OVCH1: variants seen among roughly 807,000 people sequenced by gnomAD.
The protein encoded by OVCH1 is ovochymase-1.
OVCH1 carries 139 observed loss-of-function variants against 138.4 expected under a neutral mutation model. The ratio of observed to expected loss-of-function variants is 1.00; its 90% CI spans 0.87 to 1.16. OVCH1 has a LOEUF of 1.16. Among genes scored for constraint, OVCH1 ranks in the 50% most tolerant of loss-of-function variants. OVCH1 has a pLI of 0.00. For synonymous variants in OVCH1, 453 were observed against 467.8 expected (o/e 0.97, Z 0.41); for missense variants, 1,367 against 1,357.9 (o/e 1.01, Z -0.11).
At chr12:29,490,189 A>G (rs1943236587) in intron 5 of OVCH1, among the ~76,000 whole-genome samples, 1 of 152,092 alleles carries the variant, frequency 6.6e-6, no homozygotes, top group Non-Finnish European at 1.5e-5. Context: ...TCAGTTTCCC[A>G]AGTAGCTGGG....
exon 21 of OVCH1, chr12:29,454,863 T>A: frequency 6.2e-7 from 1 of 1,611,488 alleles, no homozygotes. Context: ...CACTGTCTGG[T>A]GAAGGTGTGG....
chr12:29,402,568 T>C, the OVCH1 span, among the ~76,000 whole-genome samples: 2 of 150,376 alleles, frequency 1.3e-5, no homozygotes, highest in Admixed American at 1.3e-4. Context: ...AAGAGAAAGA[T>C]GGAGGGCATT....
At chr12:29,460,997 C>T (rs376031241) in intron 19 of OVCH1, among the ~76,000 whole-genome samples, 2 of 152,142 alleles carry the variant, frequency 1.3e-5, no homozygotes, top group East Asian at 1.9e-4. Flanking sequence ...CATGGAAGGA[C>T]GTCCACCTAG....
chr12:29,475,366 G>A (rs544137744), intron 13 of OVCH1, among the ~76,000 whole-genome samples, 177 bp from the exon 14 acceptor site: 2 of 152,120 alleles, frequency 1.3e-5, no homozygotes, highest in South Asian at 4.2e-4. Context: ...ACAATGCGCT[G>A]TAATTTTAAT....
intron 3 of OVCH1, among the ~76,000 whole-genome samples, chr12:29,421,943 T>G (rs762955606): frequency 7.9e-5 from 12 of 152,154 alleles, no homozygotes; most frequent in Non-Finnish European, 1.5e-4. Flanking sequence ...TAAAACTCAT[T>G]TCTACTTCCT....
intron 21 of OVCH1, 52 bp downstream of exon 21, chr12:29,454,789 C>T (rs981601761): frequency 6.7e-7 from 1 of 1,486,976 alleles, no homozygotes; most frequent in Non-Finnish European, 9.3e-7. Flanking sequence ...GACAATGCTT[C>T]TTGCCAAATT....
chr12:29,486,887 T>A lies in OVCH1; in HGVS notation c.893-539A>T. 2 of 455,702 alleles carry A rather than the reference T, an allele frequency of 4.4e-6. 1 individual carries two copies. Among genetic ancestry groups the A allele is most frequent in the South Asian group, 3.1e-5 (2 of 64,514 alleles). 28.2% of individuals were successfully genotyped at this position (455,702 alleles called of 1,614,324 possible). ...AACCTTGTCAACTTTCCCTTCCAGG[T>A]GATCAAAATGGAACACAATTGCTAC... On this transcript the variant is annotated intron_variant, in intron 7 of 27. Transcript: ENST00000318184.
chr12:29,489,633 A>C, exon 6 of OVCH1: 1 of 1,607,158 alleles, frequency 6.2e-7, no homozygotes, highest in Non-Finnish European at 8.5e-7. Context: ...GCAGGCGTCC[A>C]TTCCCCAATC....
At chr12:29,463,907 A>G (rs934651922) in intron 18 of OVCH1, among the ~76,000 whole-genome samples, 10 of 152,166 alleles carry the variant, frequency 6.6e-5, no homozygotes, top group African/African-American at 2.4e-4. Flanking sequence ...AAGAAGCACA[A>G]AACAAATATC....
At chr12:29,447,006 A>G (rs1052687047) in intron 22 of OVCH1, among the ~76,000 whole-genome samples, 1 of 152,136 alleles carries the variant, frequency 6.6e-6, no homozygotes, top group Non-Finnish European at 1.5e-5. Context: ...AGCATTAGGA[A>G]TAAATGACAA....
intron 8 of OVCH1, among the ~76,000 whole-genome samples, chr12:29,485,590 C>T (rs1021688653): frequency 6.6e-6 from 1 of 151,840 alleles, no homozygotes; most frequent in Non-Finnish European, 1.5e-5. Flanking sequence ...CTGGCTAACA[C>T]GGTGAAAACA....
At chr12:29,419,434 CCCG>C (rs1426607869) in intron 3 of OVCH1, among the ~76,000 whole-genome samples, 6 of 142,302 alleles carry the variant, frequency 4.2e-5, no homozygotes, top group African/African-American at 1.6e-4. Context: ...ACTACAGGTG[CCCG>C]CCACCATGCC....
At chr12:29,424,472 C>T (rs1565564097), downstream of OVCH1, among the ~76,000 whole-genome samples, 1 of 152,164 alleles carries the variant, frequency 6.6e-6, no homozygotes, top group Non-Finnish European at 1.5e-5. Context: ...CAACAGGAAA[C>T]TGTTACTCTG....
intron 3 of OVCH1, among the ~76,000 whole-genome samples, chr12:29,419,493 A>G (rs1941074802): frequency 6.6e-6 from 1 of 150,860 alleles, no homozygotes; most frequent in Non-Finnish European, 1.5e-5. Flanking sequence ...ACAGGGTTTC[A>G]CCGTGTTAGC....
chr12:29,424,566 T>C (rs926420775), downstream of OVCH1, among the ~76,000 whole-genome samples: 1 of 152,220 alleles, frequency 6.6e-6, no homozygotes, highest in Non-Finnish European at 1.5e-5. Context: ...TCCAAAGTCC[T>C]GTCAGTGAAG....
chr12:29,454,160 G>C (rs11831165), intron 21 of OVCH1, among the ~76,000 whole-genome samples: 30,085 of 151,768 alleles, frequency 0.2, 3,688 homozygotes, highest in African/African-American at 0.35. Context: ...TAAGACCATC[G>C]CCTCCTTTTG....
intron 16 of OVCH1, 25 bp downstream of exon 16, chr12:29,471,777 T>G: frequency 6.3e-7 from 1 of 1,588,004 alleles, no homozygotes. Flanking sequence ...GCTAAATAGG[T>G]TGGTAAAATA....
intron 3 of OVCH1, among the ~76,000 whole-genome samples, chr12:29,421,388 G>T (rs1941102240): frequency 2.0e-5 from 3 of 152,040 alleles, no homozygotes; most frequent in African/African-American, 7.3e-5. Context: ...CATTTCTTAG[G>T]TTCAAAACTA....
intron 25 of OVCH1, chr12:29,439,513 C>T: frequency 2.2e-6 from 3 of 1,350,970 alleles, no homozygotes. Context: ...CTTCTCTACA[C>T]CAACTAAAGG....
Sources: allele counts gnomAD v4.1 joint callset (sites outside exome capture counted in the v4.1 genomes callset), GRCh38; gene constraint gnomAD v4.1.1; transcripts MANE v1.5; gene names NCBI Gene and HGNC (gene_info 2026-07-23, HGNC 2026-07-21).